Variants in TTLL7 observed in about 807,000 individuals in gnomAD.
The protein encoded by TTLL7 is tubulin tyrosine ligase like 7.
In TTLL7, 53 loss-of-function variants were observed where a neutral mutation model predicts 120.2. The observed-to-expected ratio is 0.44, with a 90% confidence interval of 0.35 to 0.55. The LOEUF (loss-of-function observed/expected upper bound fraction) is 0.55. Among genes scored for constraint, TTLL7 ranks in the 20% least tolerant of loss-of-function variants. TTLL7 has a pLI of 0.00. For synonymous variants in TTLL7, 353 were observed against 351.7 expected (o/e 1.00, Z -0.04); for missense variants, 803 against 1,054.7 (o/e 0.76, Z 3.31).
chr1:83,879,180 C>A (rs183171099), intron 20 of TTLL7, among the ~76,000 whole-genome samples: 3 of 152,006 alleles, frequency 2.0e-5, no homozygotes, highest in Admixed American at 6.6e-5. Flanking sequence ...AAGTAAAATG[C>A]TAAAGAGTCC....
chr1:83,951,758 CT>C (rs1557720420), intron 3 of TTLL7, 86 bp downstream of exon 3: 1 of 1,397,468 alleles, frequency 7.2e-7, no homozygotes, highest in Non-Finnish European at 9.6e-7. Flanking sequence ...GATAAGTTAT[CT>C]CTTTGGATTT....
At chr1:83,887,431 T>A (rs569762011) in intron 19 of TTLL7, 5 of 215,542 alleles carry the variant, frequency 2.3e-5, no homozygotes, top group Admixed American at 1.7e-4. Context: ...GAAGAACTAT[T>A]CTGGGTCCAA....
At position 83,929,364 on chromosome 1, in the gene TTLL7, G is replaced by A. The variant is rs1283037324; in HGVS notation, c.1048-134C>T. On this transcript the variant is annotated intron_variant, in intron 9 of 20. Coordinates refer to ENST00000260505, the MANE Select transcript of TTLL7 (RefSeq NM_024686.6). ...AAAGCTTTACATGGCAGATGGCCCA[G>A]TTGTTATTGCCACATCTCCATTCTG... 5 of 585,264 alleles carry A rather than the reference G, an allele frequency of 8.5e-6. No individual in the cohort carries two copies. In the East Asian group the frequency reaches 1.6e-4, roughly 18 times the overall value. 36.3% of individuals were successfully genotyped at this position (585,264 alleles called of 1,614,324 possible).
intron 9 of TTLL7, among the ~76,000 whole-genome samples, chr1:83,930,539 G>A (rs1312854494): frequency 6.6e-6 from 1 of 152,122 alleles, no homozygotes; most frequent in African/African-American, 2.4e-5. Flanking sequence ...AAAGCTCTAA[G>A]CATTTCCCTT....
intron 5 of TTLL7, 117 bp downstream of exon 5, chr1:83,948,511 T>C: frequency 1.4e-6 from 1 of 700,196 alleles, no homozygotes. Context: ...TCCAAAATTC[T>C]ATCACTCTCA....
chr1:83,989,166 A>G (rs1005016700), intron 1 of TTLL7, among the ~76,000 whole-genome samples: 1 of 152,222 alleles, frequency 6.6e-6, no homozygotes, highest in African/African-American at 2.4e-5. Flanking sequence ...TTTGCCGTAC[A>G]GAAGCTCTTT....
chr1:83,922,706 GCCTCAAA>G, intron 10 of TTLL7, among the ~76,000 whole-genome samples: 1 of 151,486 alleles, frequency 6.6e-6, no homozygotes, highest in Non-Finnish European at 1.5e-5. Context: ...AGGTTATTGA[GCCTCAAA>G]TTTAACTTTA....
chr1:83,921,812 T>C (rs1658696422), intron 10 of TTLL7, among the ~76,000 whole-genome samples: 1 of 152,142 alleles, frequency 6.6e-6, no homozygotes, highest in Non-Finnish European at 1.5e-5. Flanking sequence ...GTACTTAATA[T>C]GTAATGGTTC....
At chr1:83,882,872 C>T (rs1359490421) in intron 20 of TTLL7, 91 bp downstream of exon 20, 44 of 1,428,572 alleles carry the variant, frequency 3.1e-5, no homozygotes, top group Non-Finnish European at 4.0e-5. Context: ...TTTCTCTAGT[C>T]ACATAAACAA....
Position 83,929,182 on chromosome 1 carries a change from C to T in TTLL7, c.1096G>A (p.Val366Ile), listed in dbSNP as rs753622821. ...FGTDQKIDYD[V>I]KRGVLLNALK... ...GCATTTAGCAGCACTCCCCTTTTTA[C>T]ATCATAGTCTATTTTCTGATCAGTT... Residue 366 changes from valine (V) to isoleucine (I), a missense_variant, in exon 10 of 21, where the codon GTA becomes ATA. Around this residue, in one of 3 missense-constraint regions of TTLL7, gnomAD observed 324 missense variants for 507.7 expected, o/e 0.64. Coordinates refer to ENST00000260505, the MANE Select transcript of TTLL7 (RefSeq NM_024686.6). 3 of 1,612,640 alleles carry T rather than the reference C, an allele frequency of 1.9e-6. No individual in the cohort carries two copies. The highest frequency in any genetic ancestry group is 2.5e-6 in the Non-Finnish European group (3 of 1,179,058).
chr1:83,985,490 C>T (rs1315169658), intron 1 of TTLL7, among the ~76,000 whole-genome samples: 1 of 152,174 alleles, frequency 6.6e-6, no homozygotes, highest in Non-Finnish European at 1.5e-5. Context: ...CACAGACACC[C>T]CTAGAAATAA....
chr1:83,907,767 A>G, intron 15 of TTLL7, 106 bp from the exon 16 acceptor site: 1 of 998,284 alleles, frequency 1.0e-6, no homozygotes, highest in Non-Finnish European at 1.5e-6. Context: ...GTAGTAAAGT[A>G]GCAATAAATG....
At chr1:83,872,875 A>G (rs1184377105) in intron 20 of TTLL7, among the ~76,000 whole-genome samples, 1 of 152,206 alleles carries the variant, frequency 6.6e-6, no homozygotes, top group East Asian at 1.9e-4. Context: ...ACAGATAAAT[A>G]AACTTCATGA....
rs367737528 is a variant in TTLL7, at chr1:83,992,791, CTTTTTT to C, written c.-177+6134_-177+6139del. Among the ~76,000 whole-genome samples the C allele has an allele frequency of 9.7e-3, 990 of 101,550 alleles. 20 individuals are homozygous for C. Among genetic ancestry groups the C allele is most frequent in the African/African-American group, 0.035 (949 of 27,264 alleles). The allele number at this position is 101,550 out of a possible 152,430, so 66.6% of individuals were successfully genotyped here. ...ACTGGTTATAGAAAGTATTCAAGTTCTTTTTTTTTTTTTTTTTTTTGGAAATGTTTA... is the reference window on the plus strand; with the variant it reads ...ACTGGTTATAGAAAGTATTCAAGTTCTTTTTTTTTTTTTTGGAAATGTTTA... On this transcript the variant is annotated intron_variant, in intron 1 of 20. Coordinates refer to ENST00000260505, the MANE Select transcript of TTLL7 (RefSeq NM_024686.6).
Position 83,970,818 on chromosome 1 carries a change from T to A in TTLL7, c.-176-18431A>T, listed in dbSNP as rs567996857. Among the ~76,000 whole-genome samples, 6 of 151,940 alleles carry A rather than the reference T, an allele frequency of 3.9e-5. No homozygotes were observed. In the East Asian group the frequency reaches 1.2e-3, roughly 30 times the overall value. ...AAGACAGAGTAGGAAAAGCAGCCAA[T>A]AAAGGGTGTATGATAATGACAGCTT... On this transcript the variant is annotated intron_variant, in intron 1 of 20. Transcript: ENST00000260505.
chr1:83,989,226 G>T (rs1483596965), intron 1 of TTLL7, among the ~76,000 whole-genome samples: 3 of 152,188 alleles, frequency 2.0e-5, no homozygotes, highest in Non-Finnish European at 4.4e-5. Context: ...TTGCTTTTGG[G>T]GACTTAGCCA....
intron 1 of TTLL7, among the ~76,000 whole-genome samples, chr1:83,994,082 A>T (rs748932708): frequency 6.6e-6 from 1 of 152,182 alleles, no homozygotes; most frequent in Non-Finnish European, 1.5e-5. Context: ...GCACAGGACA[A>T]ATTCTGCCTA....
At chr1:83,943,391 G>A (rs930796067) in intron 6 of TTLL7, among the ~76,000 whole-genome samples, 4 of 152,138 alleles carry the variant, frequency 2.6e-5, no homozygotes, top group African/African-American at 9.7e-5. Context: ...TGTCCCCTCT[G>A]GCTAACCATC....
chr1:83,901,968 T>G (rs1656760240), intron 18 of TTLL7: 2 of 151,898 alleles, frequency 1.3e-5, no homozygotes, highest in Non-Finnish European at 2.9e-5. Context: ...TGCTGGCCAC[T>G]CCACTCTTCC....
Sources: allele counts gnomAD v4.1 joint callset (sites outside exome capture counted in the v4.1 genomes callset), GRCh38; gene constraint gnomAD v4.1.1; regional missense constraint gnomAD v4.1.1; transcripts MANE v1.5; gene names NCBI Gene and HGNC (gene_info 2026-07-23, HGNC 2026-07-21).